SUMF2: variants seen among roughly 807,000 people sequenced by gnomAD.
The protein encoded by SUMF2 is inactive C-alpha-formylglycine-generating enzyme 2.
SUMF2 carries 45 observed loss-of-function variants against 44.8 expected under a neutral mutation model. The observed-to-expected ratio is 1.00, with a 90% CI of 0.79 to 1.29. The LOEUF is 1.29. SUMF2 is among the 50% of genes most tolerant of loss of function. The pLI, the probability that SUMF2 is intolerant of heterozygous loss-of-function variation, is 0.00. For missense variants in SUMF2, 418 were observed against 389.9 expected (o/e 1.07, Z -0.61); for synonymous variants, 148 against 150.4 (o/e 0.98, Z 0.12).
chr7:56,076,620 A>G (rs1012944303), intron 5 of SUMF2: 4 of 446,852 alleles, frequency 9.0e-6, no homozygotes, highest in Non-Finnish European at 1.2e-5. Flanking sequence ...CATGCTTAGG[A>G]TTACATTGCC....
chr7:56,067,567 C>T (rs1794883971), intron 1 of SUMF2, among the ~76,000 whole-genome samples: 1 of 152,148 alleles, frequency 6.6e-6, no homozygotes, highest in East Asian at 1.9e-4. Flanking sequence ...AAGCTATGGT[C>T]GTCCATAGAT....
chr7:56,081,145 C>G (rs1185186306), downstream of SUMF2: 12 of 1,613,788 alleles, frequency 7.4e-6, no homozygotes, highest in Non-Finnish European at 8.5e-6. The surrounding 1 kb of genome is among the most constrained non-coding windows in gnomAD (Gnocchi z 4.6). Flanking sequence ...CTTCTTCACC[C>G]AGTGGCCATA....
At chr7:56,087,569 C>G in the SUMF2 span, 1 of 1,599,528 alleles carries the variant, frequency 6.3e-7, no homozygotes, top group African/African-American at 1.3e-5. Flanking sequence ...GGGGGGCACC[C>G]TGCCGTGTGG....
rs1362630044 is a variant in SUMF2, at chr7:56,078,082, C to T, written c.592-20C>T. ...TTTGGGACAGGTGGTAAATCCTTTA[C>T]CCTTCCTTTCTCCCATCAGGGAAAG... On this transcript the variant is annotated intron_variant, in intron 6 of 8. Transcript: ENST00000434526. The T allele has an allele frequency of 6.2e-7, 1 of 1,600,896 alleles. No homozygotes were observed. Among genetic ancestry groups the T allele is most frequent in the East Asian group, 2.2e-5 (1 of 44,510 alleles).
chr7:56,085,928 C>T, the SUMF2 span, among the ~76,000 whole-genome samples: 2 of 149,072 alleles, frequency 1.3e-5, no homozygotes, highest in South Asian at 2.1e-4. Context: ...GAGCCGAGAT[C>T]GCACCACTAT....
At chr7:56,086,946 C>G in the SUMF2 span, 12 of 1,600,356 alleles carry the variant, frequency 7.5e-6, no homozygotes, top group East Asian at 2.7e-4. Context: ...TCAGGTGTGG[C>G]TTGCTCCAGT....
In SUMF2 at chr7:56,068,587, C is replaced by T. The variant is rs1794963571; in HGVS notation, c.173C>T (p.Thr58Ile). 1 of 1,613,740 alleles carries T rather than the reference C, an allele frequency of 6.2e-7. No homozygotes were observed. The highest frequency in any genetic ancestry group is 1.7e-5 in the Admixed American group (1 of 59,940). The part of the protein sequence containing the change: ...RDGDGPVREA[T>I]VKPFAIDIFP... The stretch of plus-strand genomic sequence containing the variant: ...GGTGACGGGCCTGTGCGGGAGGCGA[C>T]AGTGAAACCCTTTGCCATCGACATA... Residue 58 changes from threonine to isoleucine, a missense_variant, in exon 2 of 9, where the codon ACA (threonine) becomes ATA (isoleucine). Coordinates refer to ENST00000434526, the MANE Select transcript of SUMF2 (RefSeq NM_015411.4).
At chr7:56,073,968 T>C in intron 3 of SUMF2, 1 of 587,526 alleles carries the variant, frequency 1.7e-6, no homozygotes, top group Non-Finnish European at 3.0e-6. Flanking sequence ...TGAGCTCTGA[T>C]GGTGCCACTG....
intron 7 of SUMF2, 60 bp from the exon 8 acceptor site, chr7:56,078,302 CAG>C (rs1236755412): frequency 7.0e-6 from 11 of 1,560,328 alleles, no homozygotes; most frequent in Non-Finnish European, 8.7e-6. Context: ...CCCAGGACCT[CAG>C]AGGGTAGGCG....
intron 2 of SUMF2, among the ~76,000 whole-genome samples, chr7:56,072,091 GTCTTTTTGAGAC>G (rs1177013288): frequency 7.1e-4 from 100 of 140,948 alleles, no homozygotes; most frequent in Middle Eastern, 8.7e-3. Context: ...CTGGGCAACA[GTCTTTTTGAGAC>G]AGAGCAAGAC....
downstream of SUMF2, chr7:56,083,999 C>G: frequency 1.6e-6 from 1 of 615,630 alleles, no homozygotes; most frequent in Non-Finnish European, 2.9e-6. Flanking sequence ...AATTTTTCCC[C>G]TGGAAAAATT....
intron 1 of SUMF2, among the ~76,000 whole-genome samples, chr7:56,066,694 C>T (rs922675181): frequency 5.3e-5 from 8 of 152,198 alleles, no homozygotes; most frequent in African/African-American, 1.7e-4. Context: ...GATCTCGGCT[C>T]ACTGCAACCT....
chr7:56,074,449 A>T, intron 4 of SUMF2, 137 bp from the exon 5 acceptor site: 1 of 1,207,720 alleles, frequency 8.3e-7, no homozygotes, highest in South Asian at 1.5e-5. Context: ...GACTCCGACC[A>T]CTGGTCACTC....
At chr7:56,067,894 GA>G (rs71015177) in intron 1 of SUMF2, among the ~76,000 whole-genome samples, 3,044 of 72,774 alleles carry the variant, frequency 0.042, 54 homozygotes, top group Admixed American at 0.12. Context: ...ATCCTGTCAC[GA>G]AAAAAAAAAA....
chr7:56,074,298 G>A (rs1218683710), intron 4 of SUMF2, 80 bp downstream of exon 4: 3 of 1,403,862 alleles, frequency 2.1e-6, no homozygotes, highest in Non-Finnish European at 3.0e-6. Context: ...TCTACCCCTC[G>A]TACATCCAGG....
chr7:56,081,721 C>T (rs751430603), downstream of SUMF2: 14 of 1,613,932 alleles, frequency 8.7e-6, no homozygotes, highest in East Asian at 2.0e-4. This position sits in a 1 kb window ranked among gnomAD's most constrained non-coding sequence, Gnocchi z 4.6. Flanking sequence ...CGCTGTGTAG[C>T]GGTTCTGGGG....
At chr7:56,068,270 C>T (rs1390072184) in intron 1 of SUMF2, among the ~76,000 whole-genome samples, 2 of 151,788 alleles carry the variant, frequency 1.3e-5, no homozygotes, top group Admixed American at 6.6e-5. Context: ...GATCTGACCT[C>T]GTCATCTACC....
chr7:56,067,278 A>G (rs1794868349), intron 1 of SUMF2, among the ~76,000 whole-genome samples: 1 of 152,200 alleles, frequency 6.6e-6, no homozygotes, highest in African/African-American at 2.4e-5. Context: ...CATGTGTTCA[A>G]CATTTCACCC....
chr7:56,066,538 C>A (rs756270800), intron 1 of SUMF2, among the ~76,000 whole-genome samples: 14 of 152,326 alleles, frequency 9.2e-5, no homozygotes, highest in African/African-American at 3.1e-4. Context: ...CCTCCGCCCC[C>A]CCAGGTTCAA....
Sources: gnomAD v4.1 joint callset for allele counts (sites outside exome capture counted in the v4.1 genomes callset) on GRCh38, gnomAD v4.1.1 for gene constraint, Gnocchi (gnomAD v3.1) non-coding constraint, MANE v1.5 for transcripts, NCBI Gene and HGNC (gene_info 2026-07-23, HGNC 2026-07-21) for gene names.